The following ANKRD6 variants were observed in gnomAD, a reference collection of about 807,000 sequenced individuals.
ANKRD6 encodes the protein ankyrin repeat domain-containing protein 6.
ANKRD6 carries 56 observed loss-of-function variants against 82.3 expected under a neutral mutation model. The observed-to-expected ratio is 0.68, with a 90% CI of 0.55 to 0.85. ANKRD6 has a LOEUF of 0.85. ANKRD6 is among the 40% of genes least tolerant of loss of function. The pLI is 0.00. For synonymous variants in ANKRD6, 347 were observed against 352.1 expected, an observed-to-expected ratio of 0.99 and a Z score of 0.16; for missense variants, 852 against 907.6, an observed-to-expected ratio of 0.94 and a Z score of 0.79.
At chr6:89,616,145 T>C (rs542720745) in intron 7 of ANKRD6, among the ~76,000 whole-genome samples, 1 of 152,266 alleles carries the variant, frequency 6.6e-6, no homozygotes, top group African/African-American at 2.4e-5. Flanking sequence ...AATCCAGCAC[T>C]CAGACACCAA....
rs1806205696 is a variant in ANKRD6 at position 89,627,777 on chromosome 6, ACT to A, written c.1485+83_1485+84del. ...AGCTCAGGCAGGCCTGCCACTGAAA[ACT>A]CAGAGGCTGAGACTCCCTAAGAGCT... is the stretch of plus-strand genomic sequence containing the variant. On this transcript the variant is annotated intron_variant, in intron 14 of 15. Coordinates refer to ENST00000339746, the MANE Select transcript of ANKRD6 (RefSeq NM_001242809.2). The A allele has an allele frequency of 5.6e-6, 7 of 1,247,082 alleles. No homozygotes were observed. The East Asian group carries it at 1.7e-4, about 30-fold the overall frequency. The allele number at this position is 1,247,082 out of a possible 1,614,324, so 77.3% of individuals were successfully genotyped here. A position where few individuals can be genotyped will look rare whatever the true frequency, so the allele number is the denominator to read the frequency against.
chr6:89,435,879 A>G (rs1261840028), intron 1 of ANKRD6, among the ~76,000 whole-genome samples: 1 of 152,124 alleles, frequency 6.6e-6, no homozygotes, highest in Admixed American at 6.5e-5. Context: ...TTCCTGGTTG[A>G]TATGTTTGTG....
chr6:89,625,765 G>T (rs1365404671), intron 13 of ANKRD6, among the ~76,000 whole-genome samples: 2 of 147,814 alleles, frequency 1.4e-5, no homozygotes, highest in Non-Finnish European at 3.0e-5. Flanking sequence ...TTTAGATGGG[G>T]TCTGACTCTG....
At chr6:89,543,230 A>G (rs899562958) in intron 1 of ANKRD6, among the ~76,000 whole-genome samples, 1 of 152,202 alleles carries the variant, frequency 6.6e-6, no homozygotes, top group African/African-American at 2.4e-5. Context: ...CAGGGACAAC[A>G]TACCATATTT....
intron 2 of ANKRD6, among the ~76,000 whole-genome samples, chr6:89,567,758 G>A (rs1052319261): frequency 1.3e-5 from 2 of 152,200 alleles, no homozygotes; most frequent in South Asian, 4.1e-4. Flanking sequence ...TAGTATTGCT[G>A]TAAGCACTTT....
chr6:89,476,651 C>A (rs1582811872), intron 1 of ANKRD6, among the ~76,000 whole-genome samples: 1 of 152,088 alleles, frequency 6.6e-6, no homozygotes, highest in Non-Finnish European at 1.5e-5. Context: ...ACTTAAACTG[C>A]ATGTTCTTAA....
rs1583334135 is a variant in ANKRD6 at position 89,567,973 on chromosome 6, C to A, written c.120+877C>A. Among the ~76,000 whole-genome samples the A allele has an allele frequency of 2.0e-5, 3 of 152,310 alleles. No homozygotes were observed. In the East Asian group the frequency reaches 5.8e-4, roughly 29 times the overall value. ...AGAAGGTCACCTGTTAACTTCTGAC[C>A]TCCTGTGGCAGATCGGTCAGCTCCT... On this transcript the variant is annotated intron_variant, in intron 2 of 15. Coordinates refer to ENST00000339746, the MANE Select transcript of ANKRD6 (RefSeq NM_001242809.2).
At chr6:89,578,080 C>T (rs1191515983) in intron 2 of ANKRD6, among the ~76,000 whole-genome samples, 1 of 152,124 alleles carries the variant, frequency 6.6e-6, no homozygotes, top group Non-Finnish European at 1.5e-5. Context: ...GCAGAGTGGG[C>T]AGGCAGAAAA....
intron 1 of ANKRD6, among the ~76,000 whole-genome samples, chr6:89,448,002 A>G (rs1192237293): frequency 6.6e-6 from 1 of 152,064 alleles, no homozygotes; most frequent in African/African-American, 2.4e-5. Context: ...TAGGACTTTC[A>G]TAGCTAGAAA....
rs575585109 is a variant in ANKRD6, at chr6:89,613,201, A to T, written c.517-591A>T. Among the ~76,000 whole-genome samples, 4 of 152,210 alleles carry T rather than the reference A, an allele frequency of 2.6e-5. No individual in the cohort carries two copies. In the South Asian group the frequency reaches 8.3e-4, roughly 32 times the overall value. On this transcript the variant is annotated intron_variant, in intron 6 of 15. Transcript: ENST00000339746. ...GCATCCTGCCCCTGAGTTTTTCTTC[A>T]TACCCTTTTTTTGCTCCCAGTGATT... is the stretch of plus-strand genomic sequence containing the variant.
chr6:89,626,493 C>T (rs1299080695), intron 13 of ANKRD6, among the ~76,000 whole-genome samples: 2 of 152,092 alleles, frequency 1.3e-5, no homozygotes, highest in African/African-American at 4.8e-5. Flanking sequence ...GAGAGTAGGC[C>T]AATCCTAGAA....
rs569287274 is a variant in ANKRD6, at chr6:89,473,039, T to C, written c.-144+39664T>C. 9.3e-4 allele frequency among the ~76,000 whole-genome samples: 142 copies of C among 152,318 alleles called. 1 individual carries two copies. The Middle Eastern group carries it at 0.014, about 15-fold the overall frequency. ...TCAGGCATGCTATATAAGTTTTTCCTCCCTTGCCTATACCTTTTAATCTTA... is the reference window on the plus strand; with the variant it reads ...TCAGGCATGCTATATAAGTTTTTCCCCCCTTGCCTATACCTTTTAATCTTA... On this transcript the variant is annotated intron_variant, in intron 1 of 15. Coordinates refer to ENST00000339746, the MANE Select transcript of ANKRD6 (RefSeq NM_001242809.2).
At chr6:89,572,960 T>C (rs1790269141) in intron 2 of ANKRD6, among the ~76,000 whole-genome samples, 1 of 152,102 alleles carries the variant, frequency 6.6e-6, no homozygotes, top group Admixed American at 6.6e-5. Flanking sequence ...TCTTCACAGT[T>C]TGTTTGTTTG....
At chr6:89,481,701 A>G (rs879158093) in intron 1 of ANKRD6, among the ~76,000 whole-genome samples, 3 of 73,442 alleles carry the variant, frequency 4.1e-5, no homozygotes, top group Non-Finnish European at 3.0e-5. Context: ...TGCTTGCAGT[A>G]GTGGTACTGG....
chr6:89,519,577 T>G (rs1781647440), intron 1 of ANKRD6, among the ~76,000 whole-genome samples: 2 of 152,230 alleles, frequency 1.3e-5, no homozygotes, highest in Non-Finnish European at 2.9e-5. Context: ...GTTGAGGTGC[T>G]GCTTTGAAGA....
At chr6:89,592,020 T>G (rs1795012722) in intron 2 of ANKRD6, among the ~76,000 whole-genome samples, 1 of 152,066 alleles carries the variant, frequency 6.6e-6, no homozygotes, top group African/African-American at 2.4e-5. Context: ...AGGGAAGTCA[T>G]AGTTTGGAGA....
At chr6:89,501,975 T>A (rs1264333423) in intron 1 of ANKRD6, among the ~76,000 whole-genome samples, 1 of 152,252 alleles carries the variant, frequency 6.6e-6, no homozygotes, top group African/African-American at 2.4e-5. Flanking sequence ...TTCATTGGTT[T>A]CCAGCTGAAA....
intron 14 of ANKRD6, chr6:89,628,188 C>G (rs1163228050): frequency 1.2e-5 from 2 of 161,114 alleles, no homozygotes; most frequent in Non-Finnish European, 2.7e-5. Flanking sequence ...TAGCTCTCTG[C>G]TTGGGTGCCT....
intron 1 of ANKRD6, among the ~76,000 whole-genome samples, chr6:89,545,259 C>CCAGAAAG (rs1784951344): frequency 6.6e-6 from 1 of 151,736 alleles, no homozygotes; most frequent in African/African-American, 2.4e-5. Flanking sequence ...TTCTACTGGC[C>CCAGAAAG]CAGAAAGTTC....
Sources: allele counts gnomAD v4.1 joint callset (sites outside exome capture counted in the v4.1 genomes callset), GRCh38; gene constraint gnomAD v4.1.1; transcripts MANE v1.5; gene names NCBI Gene and HGNC (gene_info 2026-07-23, HGNC 2026-07-21).